RFX3: variants seen among roughly 807,000 people sequenced by gnomAD.
The protein encoded by RFX3 is transcription factor RFX3.
A neutral mutation model predicts 98.6 loss-of-function variants in RFX3; 14 were observed. That is an observed-to-expected ratio of 0.14 (90% CI 0.09 to 0.22). RFX3 has a LOEUF of 0.22. Among genes scored for constraint, RFX3 ranks in the 10% least tolerant of loss-of-function variants. RFX3 has a pLI of 1.00. For missense variants in RFX3, 639 were observed against 926.9 expected, an observed-to-expected ratio of 0.69 and a Z score of 4.03; for synonymous variants, 383 against 328.4, an observed-to-expected ratio of 1.17 and a Z score of -1.80.
intron 15 of RFX3, among the ~76,000 whole-genome samples, chr9:3,234,667 C>A (rs1326259687): frequency 1.3e-5 from 2 of 151,772 alleles, no homozygotes; most frequent in African/African-American, 2.4e-5. Context: ...AACAAAAAAA[C>A]CCAAAAGCAC....
intron 1 of RFX3, among the ~76,000 whole-genome samples, chr9:3,429,086 G>C (rs3928273): frequency 0.018 from 2,693 of 149,044 alleles, 91 homozygotes; most frequent in African/African-American, 0.063. Flanking sequence ...GCGGTGGCGC[G>C]ATCTCGGCTC....
At chr9:3,372,735 G>A (rs1188629243) in intron 2 of RFX3, among the ~76,000 whole-genome samples, 3 of 151,602 alleles carry the variant, frequency 2.0e-5, no homozygotes, top group East Asian at 3.9e-4. Context: ...ACAGGTGCCC[G>A]CCACCACACC....
chr9:3,288,378 T>C (rs1458726488), intron 6 of RFX3, 128 bp from the exon 7 acceptor site: 1 of 694,846 alleles, frequency 1.4e-6, no homozygotes, highest in Non-Finnish European at 2.5e-6. Flanking sequence ...TACATATTTA[T>C]GATTAACCTG....
intron 15 of RFX3, among the ~76,000 whole-genome samples, chr9:3,237,871 C>T (rs1004609838): frequency 6.6e-6 from 1 of 151,940 alleles, no homozygotes; most frequent in Non-Finnish European, 1.5e-5. Context: ...TGAATCACAA[C>T]TCTACCACTA....
intron 1 of RFX3, among the ~76,000 whole-genome samples, chr9:3,482,165 T>C (rs899261623): frequency 2.0e-5 from 3 of 151,804 alleles, no homozygotes; most frequent in African/African-American, 4.8e-5. Context: ...ATACATACAA[T>C]GCTAATAAAG....
rs983279188 is a variant in RFX3 at position 3,507,838 on chromosome 9, C to A, written c.-9+17909G>T. 2.0e-5 allele frequency among the ~76,000 whole-genome samples: 3 copies of A among 151,790 alleles called. No homozygotes were observed. In the Admixed American group the frequency reaches 2.0e-4, roughly 10 times the overall value. Reference sequence around the variant, plus strand: ...TTTTCTTTTTTCAAGTGTTTCCCATCCTCAGCTGGTTGAATTCACAAATGC... The same window carrying A: ...TTTTCTTTTTTCAAGTGTTTCCCATACTCAGCTGGTTGAATTCACAAATGC... On this transcript the variant is annotated intron_variant, in intron 1 of 16. Transcript: ENST00000617270.
intron 1 of RFX3, among the ~76,000 whole-genome samples, chr9:3,525,074 G>T (rs1210636024): frequency 6.6e-6 from 1 of 150,662 alleles, no homozygotes; most frequent in Non-Finnish European, 1.5e-5. Flanking sequence ...GTTTTAAAAA[G>T]AAAAAAGAAA....
At chr9:3,422,411 C>T (rs569567685) in intron 1 of RFX3, among the ~76,000 whole-genome samples, 80 of 152,316 alleles carry the variant, frequency 5.3e-4, no homozygotes, top group South Asian at 4.1e-4. Flanking sequence ...TAAAGTCAAA[C>T]ACAGAAACAC....
chr9:3,219,808 T>G lies in RFX3; in HGVS notation c.*5234A>C, dbSNP rs182271797. On this transcript the variant is annotated 3_prime_UTR_variant, in exon 17 of 17. Transcript: ENST00000617270. ...ATTTGCATGGTCTGACTTCCTAAAC[T>G]GCCTAAAAAGCAACGTTTACGGCAT... 1.3e-5 allele frequency: 2 copies of G among 152,320 alleles called. No homozygotes were observed. Among genetic ancestry groups the G allele is most frequent in the Non-Finnish European group, 2.9e-5 (2 of 68,032 alleles). The allele number at this position is 152,320 out of a possible 1,614,324, so 9.4% of individuals were successfully genotyped here.
At chr9:3,225,703 T>C (rs978546976) in intron 16 of RFX3, among the ~76,000 whole-genome samples, 2 of 152,186 alleles carry the variant, frequency 1.3e-5, no homozygotes, top group African/African-American at 4.8e-5. Flanking sequence ...AAATCTACAC[T>C]AAATATAAAT....
At chr9:3,266,934 C>T (rs970405288) in intron 11 of RFX3, among the ~76,000 whole-genome samples, 4 of 151,940 alleles carry the variant, frequency 2.6e-5, no homozygotes, top group Non-Finnish European at 5.9e-5. Context: ...TTACGGAAAC[C>T]CGTATTCTTA....
At chr9:3,500,706 C>T (rs1171442081) in intron 1 of RFX3, among the ~76,000 whole-genome samples, 1 of 152,106 alleles carries the variant, frequency 6.6e-6, no homozygotes, top group East Asian at 1.9e-4. Context: ...ACAAATCATT[C>T]AAACACACGC....
At chr9:3,417,586 T>C (rs1843088107) in intron 1 of RFX3, among the ~76,000 whole-genome samples, 1 of 152,126 alleles carries the variant, frequency 6.6e-6, no homozygotes. Flanking sequence ...GTCAAAGAAT[T>C]AAAACAGAAG....
At chr9:3,369,431 T>TG (rs1563998663) in intron 2 of RFX3, among the ~76,000 whole-genome samples, 1 of 152,204 alleles carries the variant, frequency 6.6e-6, no homozygotes, top group Admixed American at 6.5e-5. Flanking sequence ...ACCATCACTT[T>TG]GGGGGTAAGG....
intron 4 of RFX3, among the ~76,000 whole-genome samples, chr9:3,303,771 G>A (rs1244833154): frequency 6.6e-6 from 1 of 151,954 alleles, no homozygotes. Flanking sequence ...TTTCTGGACA[G>A]TTTTTTAAGA....
At chr9:3,445,242 A>G (rs1845945491) in intron 1 of RFX3, among the ~76,000 whole-genome samples, 1 of 145,320 alleles carries the variant, frequency 6.9e-6, no homozygotes, top group African/African-American at 2.4e-5. Context: ...AAAGTAAGTT[A>G]TTATAAATTT....
intron 1 of RFX3, among the ~76,000 whole-genome samples, chr9:3,467,199 G>GTA (rs1488992357): frequency 4.4e-5 from 6 of 135,368 alleles, no homozygotes; most frequent in Admixed American, 3.7e-4. Flanking sequence ...CATATATAAT[G>GTA]TATGTGTATA....
chr9:3,502,178 G>A (rs549866592), intron 1 of RFX3, among the ~76,000 whole-genome samples: 6 of 151,270 alleles, frequency 4.0e-5, no homozygotes, highest in African/African-American at 1.5e-4. Flanking sequence ...AGAATGGTGT[G>A]AACCCGGGAG....
At chr9:3,257,260 C>A in intron 13 of RFX3, 61 bp from the exon 14 acceptor site, 2 of 1,346,822 alleles carry the variant, frequency 1.5e-6, no homozygotes, top group South Asian at 1.2e-5. Flanking sequence ...CATTGAATGC[C>A]AGCACACACA....
Sources: allele counts gnomAD v4.1 joint callset (sites outside exome capture counted in the v4.1 genomes callset), GRCh38; gene constraint gnomAD v4.1.1; transcripts MANE v1.5; gene names NCBI Gene and HGNC (gene_info 2026-07-23, HGNC 2026-07-21).